The following MTUS2 variants were observed in gnomAD, a reference collection of about 807,000 sequenced individuals.
The protein encoded by MTUS2 is microtubule associated scaffold protein 2, also known as microtubule-associated tumor suppressor candidate 2.
MTUS2 carries 40 observed loss-of-function variants against 114.1 expected under a neutral mutation model. That is an observed-to-expected ratio of 0.35 (90% CI 0.27 to 0.46). The LOEUF is 0.46. Ranked by LOEUF, MTUS2 falls within the 20% of genes least tolerant of loss-of-function variation. The pLI is 1.00. For missense variants in MTUS2, 1,679 were observed against 1,705.4 expected (o/e 0.98, Z 0.27); for synonymous variants, 688 against 672.0 (o/e 1.02, Z -0.37).
In MTUS2 at chr13:29,166,928, T is replaced by C. The variant is rs559894232; in HGVS notation, c.2644+65958T>C. Among the ~76,000 whole-genome samples, 11 of 152,356 alleles carry C rather than the reference T, an allele frequency of 7.2e-5. No individual in the cohort carries two copies. In the South Asian group the frequency reaches 2.3e-3, roughly 32 times the overall value. On this transcript the variant is annotated intron_variant, in intron 5 of 15. Coordinates refer to ENST00000612955, the MANE Select transcript of MTUS2 (RefSeq NM_001033602.4). ...TCAGTATGCTCCTACTCATTCAGTTTTTCCAATAATGTAGTATCTGTGGCT... is the reference window on the plus strand; with the variant it reads ...TCAGTATGCTCCTACTCATTCAGTTCTTCCAATAATGTAGTATCTGTGGCT...
intron 5 of MTUS2, among the ~76,000 whole-genome samples, chr13:29,162,443 A>G (rs1046940081): frequency 6.6e-6 from 1 of 152,204 alleles, no homozygotes; most frequent in Non-Finnish European, 1.5e-5. Context: ...TTGTCTAGCA[A>G]AGAGCAGAAT....
Position 29,025,374 on chromosome 13 carries a change from C to G in MTUS2, c.676C>G (p.Pro226Ala), listed in dbSNP as rs780128229. The G allele has an allele frequency of 3.1e-5, 50 of 1,613,688 alleles. No homozygotes were observed. In the Admixed American group the frequency reaches 8.3e-4, roughly 27 times the overall value. ...GAAGACATTGCCAGACCACGCTGTC[C>G]CGGCAGCTTTCCCTGCAACTGACAG... ...PQKTLPDHAV[P>A]AAFPATDSTS... Residue 226 changes from proline (P) to alanine (A), a missense_variant, in exon 3 of 16, where the codon CCG becomes GCG. Physicochemically the swap from Pro to Ala is conservative, Grantham distance 27. This residue lies in a region of MTUS2 where 843 missense variants were observed against 770.8 expected (regional missense o/e 1.09). Transcript: ENST00000612955.
chr13:29,433,871 C>A (rs1051313103), intron 8 of MTUS2, among the ~76,000 whole-genome samples: 1 of 152,114 alleles, frequency 6.6e-6, no homozygotes, highest in Non-Finnish European at 1.5e-5. Flanking sequence ...TGCATGTGTG[C>A]CACATTTGAA....
At chr13:29,259,307 G>T (rs896478091) in intron 5 of MTUS2, among the ~76,000 whole-genome samples, 1 of 152,148 alleles carries the variant, frequency 6.6e-6, no homozygotes, top group Non-Finnish European at 1.5e-5. Flanking sequence ...CAGGAGATAT[G>T]CCTTTATTGG....
At chr13:29,255,034 G>A (rs922663392) in intron 5 of MTUS2, among the ~76,000 whole-genome samples, 1 of 152,148 alleles carries the variant, frequency 6.6e-6, no homozygotes, top group Admixed American at 6.5e-5. Flanking sequence ...CCTGAAAGAT[G>A]GCAAGTTCTG....
At chr13:29,228,628 G>T (rs539747793) in intron 5 of MTUS2, among the ~76,000 whole-genome samples, 35 of 152,172 alleles carry the variant, frequency 2.3e-4, no homozygotes, top group African/African-American at 7.7e-4. Context: ...CCCTGTGTGT[G>T]TACATATATG....
chr13:29,454,226 G>A (rs1284319657), intron 9 of MTUS2, among the ~76,000 whole-genome samples: 1 of 152,160 alleles, frequency 6.6e-6, no homozygotes. Flanking sequence ...AAGAGCCAGG[G>A]CTCTTCAATA....
chr13:29,232,650 T>C (rs1450904314), intron 5 of MTUS2, among the ~76,000 whole-genome samples: 2 of 152,224 alleles, frequency 1.3e-5, no homozygotes, highest in East Asian at 3.9e-4. Flanking sequence ...ATTAACTGGG[T>C]AGTTCTATCT....
chr13:29,313,215 G>A (rs764377866), intron 6 of MTUS2, among the ~76,000 whole-genome samples: 3 of 152,172 alleles, frequency 2.0e-5, no homozygotes, highest in Non-Finnish European at 2.9e-5. Flanking sequence ...CAGGAGGCAT[G>A]GCACTGGTGT....
intron 3 of MTUS2, among the ~76,000 whole-genome samples, chr13:29,033,031 A>G (rs1886899376): frequency 6.6e-6 from 1 of 152,208 alleles, no homozygotes; most frequent in Non-Finnish European, 1.5e-5. Context: ...TACTGCCCAC[A>G]GGTTGTATTC....
Position 29,321,699 on chromosome 13 carries a change from A to G in MTUS2, c.2807-2914A>G, listed in dbSNP as rs143872703. Among the ~76,000 whole-genome samples the G allele has an allele frequency of 5.1e-3, 780 of 152,334 alleles. 5 individuals are homozygous for G. Among genetic ancestry groups the G allele is most frequent in the African/African-American group, 0.018 (743 of 41,578 alleles). ...GCTTATTAGTTATTATACAAGTAAT[A>G]TGTGATGATTACAAAATATGGAACT... On this transcript the variant is annotated intron_variant, in intron 6 of 15. Transcript: ENST00000612955.
intron 9 of MTUS2, among the ~76,000 whole-genome samples, chr13:29,473,125 A>G (rs931433484): frequency 1.3e-5 from 2 of 152,100 alleles, no homozygotes; most frequent in Non-Finnish European, 2.9e-5. Context: ...AATATATACT[A>G]TATGTGTGTA....
intron 5 of MTUS2, among the ~76,000 whole-genome samples, chr13:29,160,656 G>C (rs1893055942): frequency 6.6e-6 from 1 of 152,056 alleles, no homozygotes; most frequent in Non-Finnish European, 1.5e-5. Context: ...TGTAGTCCCA[G>C]CTACTTGGGA....
intron 5 of MTUS2, among the ~76,000 whole-genome samples, chr13:29,174,204 C>A (rs1401238827): frequency 6.6e-6 from 1 of 152,152 alleles, no homozygotes; most frequent in Non-Finnish European, 1.5e-5. Context: ...GATATGCCTA[C>A]ACCATTTATT....
chr13:28,868,743 A>C (rs543797493), intron 2 of MTUS2, among the ~76,000 whole-genome samples: 1 of 152,370 alleles, frequency 6.6e-6, no homozygotes, highest in Non-Finnish European at 1.5e-5. Context: ...ACTCCAGAAA[A>C]GCAAGAGAAC....
intron 5 of MTUS2, among the ~76,000 whole-genome samples, chr13:29,249,913 A>G (rs1437681136): frequency 6.6e-6 from 1 of 152,222 alleles, no homozygotes; most frequent in Admixed American, 6.5e-5. Flanking sequence ...ATCCCAAACC[A>G]TAAAAACCTT....
chr13:29,155,189 T>C (rs1303612690), intron 5 of MTUS2, among the ~76,000 whole-genome samples: 1 of 152,244 alleles, frequency 6.6e-6, no homozygotes, highest in Admixed American at 6.5e-5. Context: ...TTGATGAAAC[T>C]GGACTCTCTC....
intron 2 of MTUS2, among the ~76,000 whole-genome samples, chr13:28,970,821 A>G (rs999927525): frequency 6.6e-6 from 1 of 152,190 alleles, no homozygotes; most frequent in Non-Finnish European, 1.5e-5. Context: ...AGAGCTGTAT[A>G]AATGTGTTTC....
intron 5 of MTUS2, among the ~76,000 whole-genome samples, chr13:29,195,981 T>C (rs576337936): frequency 1.3e-5 from 2 of 152,122 alleles, no homozygotes; most frequent in Non-Finnish European, 2.9e-5. Flanking sequence ...CAAGTTTATG[T>C]TTTAAAGAGA....
Sources: allele counts gnomAD v4.1 joint callset (sites outside exome capture counted in the v4.1 genomes callset), GRCh38; gene constraint gnomAD v4.1.1; regional missense constraint gnomAD v4.1.1; transcripts MANE v1.5; gene names NCBI Gene and HGNC (gene_info 2026-07-23, HGNC 2026-07-21).